PCCA: variants seen among roughly 807,000 people sequenced by gnomAD.
PCCA encodes propionyl-CoA carboxylase alpha chain, mitochondrial.
Under a neutral mutation model 101.3 loss-of-function variants are expected in PCCA, and 74 were observed. That is an observed-to-expected ratio of 0.73 (90% confidence interval 0.61 to 0.89). The LOEUF (loss-of-function observed/expected upper bound fraction) is 0.89. Ranked by LOEUF, PCCA falls within the 40% of genes least tolerant of loss-of-function variation. The pLI, the probability that PCCA is intolerant of heterozygous loss-of-function variation, is 0.00. For synonymous variants in PCCA, 294 were observed against 313.6 expected (o/e 0.94, Z 0.66); for missense variants, 891 against 907.0 (o/e 0.98, Z 0.23).
chr13:100,223,633 C>A, intron 7 of PCCA, among the ~76,000 whole-genome samples: 1 of 152,222 alleles, frequency 6.6e-6, no homozygotes, highest in Non-Finnish European at 1.5e-5. Context: ...GGGACCCGAG[C>A]GTGTTGCCAC....
chr13:100,284,121 G>A (rs971710163), intron 12 of PCCA, among the ~76,000 whole-genome samples: 1 of 152,344 alleles, frequency 6.6e-6, no homozygotes, highest in Non-Finnish European at 1.5e-5. Context: ...CTGGATGACT[G>A]TCCTCAAGGT....
chr13:100,431,919 G>GT (rs1162904036), intron 20 of PCCA, among the ~76,000 whole-genome samples: 1 of 151,740 alleles, frequency 6.6e-6, no homozygotes, highest in Non-Finnish European at 1.5e-5. Flanking sequence ...GCCGGGTGTG[G>GT]TGGCTTAAGC....
chr13:100,505,370 A>G (rs1481680302), intron 21 of PCCA, among the ~76,000 whole-genome samples: 1 of 152,234 alleles, frequency 6.6e-6, no homozygotes, highest in Non-Finnish European at 1.5e-5. Context: ...GTCTAAGGAA[A>G]AGACAACCGT....
chr13:100,262,774 C>T lies in PCCA; in HGVS notation c.762C>T (p.Gly254=), dbSNP rs758211858. 39 of 1,574,336 alleles carry T rather than the reference C, an allele frequency of 2.5e-5. No homozygotes were observed. Among genetic ancestry groups the T allele is most frequent in the East Asian group, 9.2e-5 (4 of 43,266 alleles). Residue 254 remains glycine (G), a synonymous_variant, in exon 10 of 24, where the codon GGC becomes GGT. Coordinates refer to ENST00000376285, the MANE Select transcript of PCCA (RefSeq NM_000282.4). ...CTCAAGAAGCTGCTTCTAGTTTTGG[C>T]GATGATAGACTACTAATAGAAAAAT... ...LSSQEAASSF[G]DDRLLIEKFI... is the part of the protein sequence containing the mutation.
intron 19 of PCCA, among the ~76,000 whole-genome samples, chr13:100,398,212 C>T (rs912708980): frequency 2.0e-5 from 3 of 152,048 alleles, no homozygotes; most frequent in African/African-American, 7.2e-5. Flanking sequence ...TATTTCATAC[C>T]ACTGGTTTAG....
At chr13:100,412,393 C>T (rs2078109000) in intron 19 of PCCA, among the ~76,000 whole-genome samples, 1 of 152,176 alleles carries the variant, frequency 6.6e-6, no homozygotes, top group Non-Finnish European at 1.5e-5. Context: ...TGTAAGGGAA[C>T]TCCGTGTACT....
At chr13:100,527,364 A>G (rs1175653294) in intron 22 of PCCA, 12 of 505,648 alleles carry the variant, frequency 2.4e-5, no homozygotes, top group African/African-American at 1.2e-4. Flanking sequence ...AAACATTCCA[A>G]TTTCCGAACA....
intron 20 of PCCA, among the ~76,000 whole-genome samples, chr13:100,432,731 C>G (rs965925541): frequency 1.3e-5 from 2 of 152,058 alleles, no homozygotes; most frequent in African/African-American, 4.8e-5. Flanking sequence ...AGAAGACAAT[C>G]CTATTACTGC....
At position 100,339,622 on chromosome 13, in the gene PCCA, G is replaced by A. The variant is rs189775087; in HGVS notation, c.1541-535G>A. ...AGGAAGATACTGTGAGTGAGAGGAG[G>A]AGAGAGATTGGTTGGTTGATTGGGA... On this transcript the variant is annotated intron_variant, in intron 17 of 23. Transcript: ENST00000376285. Among the ~76,000 whole-genome samples, 488 of 152,328 alleles carry A rather than the reference G, an allele frequency of 3.2e-3. 4 individuals carry two copies. The highest frequency in any genetic ancestry group is 6.8e-3 in the Middle Eastern group (2 of 294).
At chr13:100,219,342 C>T (rs1238232539) in intron 7 of PCCA, among the ~76,000 whole-genome samples, 1 of 151,960 alleles carries the variant, frequency 6.6e-6, no homozygotes, top group Admixed American at 6.6e-5. Context: ...GTGTCACTGT[C>T]CAAATTATTT....
intron 4 of PCCA, among the ~76,000 whole-genome samples, chr13:100,148,694 A>C (rs866650385): frequency 6.6e-6 from 1 of 152,190 alleles, no homozygotes; most frequent in South Asian, 2.1e-4. Context: ...AACAAAAAAC[A>C]AAAAACCCAA....
At chr13:100,162,119 T>A (rs2054547667) in intron 6 of PCCA, among the ~76,000 whole-genome samples, 1 of 151,792 alleles carries the variant, frequency 6.6e-6, no homozygotes, top group Admixed American at 6.6e-5. Flanking sequence ...TGTCTGTCTG[T>A]CTGCGTGTGC....
intron 7 of PCCA, among the ~76,000 whole-genome samples, chr13:100,224,443 C>T (rs2060025916): frequency 6.6e-6 from 1 of 152,222 alleles, no homozygotes; most frequent in Non-Finnish European, 1.5e-5. Flanking sequence ...CTCCACACCT[C>T]CGTGGAAGCT....
chr13:100,495,632 AT>A (rs997200938), intron 21 of PCCA, among the ~76,000 whole-genome samples: 13 of 152,328 alleles, frequency 8.5e-5, no homozygotes, highest in African/African-American at 2.9e-4. Context: ...TGTTGGGTTA[AT>A]TTGGGAGATA....
intron 12 of PCCA, among the ~76,000 whole-genome samples, chr13:100,294,095 C>G (rs928717462): frequency 1.3e-5 from 2 of 152,256 alleles, no homozygotes; most frequent in African/African-American, 4.8e-5. Flanking sequence ...GGGTCAGTTT[C>G]TTTTGGAGGC....
At chr13:100,348,787 TCTTCCTTCCTTCCTTCCTTCCTTCCTTC>T (rs142274622) in intron 18 of PCCA, among the ~76,000 whole-genome samples, 1 of 46,622 alleles carries the variant, frequency 2.1e-5, no homozygotes, top group African/African-American at 7.1e-5. Flanking sequence ...TTTCTTTCTT[TCTTCCTTCCTTCCTTCCTTCCTTCCTTC>T]CTTTCTTTCT....
chr13:100,130,439 GATAA>G (rs2050391816), intron 4 of PCCA, among the ~76,000 whole-genome samples: 1 of 152,210 alleles, frequency 6.6e-6, no homozygotes, highest in East Asian at 1.9e-4. Flanking sequence ...TTCTAGCTCA[GATAA>G]ATAGATATAA....
chr13:100,500,276 A>C (rs889914757), intron 21 of PCCA, among the ~76,000 whole-genome samples: 1 of 151,962 alleles, frequency 6.6e-6, no homozygotes, highest in African/African-American at 2.4e-5. Flanking sequence ...CAGACACCAG[A>C]CCAAGGGCAG....
chr13:100,471,551 C>G (rs917593016), intron 21 of PCCA, among the ~76,000 whole-genome samples: 3 of 152,108 alleles, frequency 2.0e-5, no homozygotes, highest in African/African-American at 7.2e-5. Flanking sequence ...TGAGGTAGGC[C>G]TGGATTTTTT....
Sources: gnomAD v4.1 joint callset for allele counts (sites outside exome capture counted in the v4.1 genomes callset) on GRCh38, gnomAD v4.1.1 for gene constraint, MANE v1.5 for transcripts, NCBI Gene and HGNC (gene_info 2026-07-23, HGNC 2026-07-21) for gene names.